FASTKD1: variants seen among roughly 807,000 people sequenced by gnomAD.
The protein encoded by FASTKD1 is FAST kinase domain-containing protein 1, mitochondrial.
FASTKD1 carries 94 observed loss-of-function variants against 90.9 expected under a neutral mutation model. That is an observed-to-expected ratio of 1.03 (90% CI 0.88 to 1.23). The LOEUF is 1.23. FASTKD1 is among the 50% of genes most tolerant of loss of function. FASTKD1 has a pLI of 0.00. For synonymous variants in FASTKD1, 319 were observed against 345.8 expected (o/e 0.92, Z 0.86); for missense variants, 945 against 993.5 (o/e 0.95, Z 0.66).
intron 9 of FASTKD1, among the ~76,000 whole-genome samples, chr2:169,543,844 G>GA (rs1444604733): frequency 6.7e-6 from 1 of 150,344 alleles, no homozygotes; most frequent in East Asian, 1.9e-4. Context: ...GCCAAGAAAA[G>GA]AAAAAAAGGA....
chr2:169,554,550 G>T (rs1014948714), intron 7 of FASTKD1, among the ~76,000 whole-genome samples: 8 of 114,042 alleles, frequency 7.0e-5, no homozygotes, highest in African/African-American at 2.4e-4. Flanking sequence ...TGTATTCCCA[G>T]CTACTCGGGA....
intron 1 of FASTKD1, among the ~76,000 whole-genome samples, 182 bp from the exon 2 acceptor site, chr2:169,572,353 C>T (rs1302803508): frequency 6.6e-6 from 1 of 151,674 alleles, no homozygotes; most frequent in Non-Finnish European, 1.5e-5. Flanking sequence ...TTCTGCACCC[C>T]ATTTTAAAAG....
intron 13 of FASTKD1, 133 bp downstream of exon 13, chr2:169,531,219 G>A: frequency 1.0e-6 from 1 of 965,710 alleles, no homozygotes; most frequent in Non-Finnish European, 1.7e-6. Flanking sequence ...GAAAAGCAAA[G>A]TTACAAAGGT....
In FASTKD1 at chr2:169,543,743, A is replaced by T. The variant is rs116434687; in HGVS notation, c.1816+978T>A. On this transcript the variant is annotated intron_variant, in intron 9 of 14. Transcript: ENST00000453153. ...ACAGTTCATTATTATACAGTTTATTATTATACAGATGTTTGTTGTATTGTT... is the reference window on the plus strand; with the variant it reads ...ACAGTTCATTATTATACAGTTTATTTTTATACAGATGTTTGTTGTATTGTT... Among the ~76,000 whole-genome samples the T allele has an allele frequency of 8.5e-3, 1,298 of 152,182 alleles. 25 individuals carry two copies. Among genetic ancestry groups the T allele is most frequent in the African/African-American group, 0.029 (1,223 of 41,524 alleles).
rs762376616 is a variant in FASTKD1 at position 169,555,136 on chromosome 2, TCTC to T, written c.1199_1201del (p.Arg400_Glu401delinsLys). 8.7e-6 allele frequency: 14 copies of T among 1,608,688 alleles called. No homozygotes were observed. The highest frequency in any genetic ancestry group is 1.2e-5 in the Non-Finnish European group (14 of 1,178,638). ...ATTTTAATCTTACCTAAGCAGTAAT[TCTC>T]TAAGTTTCGCAAAAAACTCCTTCCT... On this transcript the variant is annotated inframe_deletion, in exon 7 of 15. Transcript: ENST00000453153.
At chr2:169,565,844 AG>A (rs1305906660) in intron 3 of FASTKD1, among the ~76,000 whole-genome samples, 9 of 152,202 alleles carry the variant, frequency 5.9e-5, no homozygotes, top group Non-Finnish European at 2.9e-5. Context: ...CATCCTTGCC[AG>A]CATTTGTTAT....
At chr2:169,563,631 T>C (rs934567938) in intron 3 of FASTKD1, among the ~76,000 whole-genome samples, 1 of 152,112 alleles carries the variant, frequency 6.6e-6, no homozygotes. Flanking sequence ...ACAAATATAA[T>C]GGCTGCTACT....
In FASTKD1 at chr2:169,546,225, A is replaced by G. The variant is rs1439708294; in HGVS notation, c.1694T>C (p.Ile565Thr). ...DRIASVAVQQIEKIHPFTIPA... is the reference protein window; with the variant it reads ...DRIASVAVQQTEKIHPFTIPA... ...CTACCATTTAAATTTCACCTTTTCA[A>G]TCTGCTGAACAGCCACTGAGGCTAT... The change falls in exon 8 of 15, where the codon ATT becomes ACT. Residue 565 changes from isoleucine (I) to threonine (T), a missense_variant. Physicochemically the swap from Ile to Thr is moderately conservative, Grantham distance 89. Coordinates refer to ENST00000453153, the MANE Select transcript of FASTKD1 (RefSeq NM_024622.6). 1 of 1,545,418 alleles carries G rather than the reference A, an allele frequency of 6.5e-7. No individual in the cohort carries two copies. Among genetic ancestry groups the G allele is most frequent in the Non-Finnish European group, 8.7e-7 (1 of 1,147,522 alleles).
At chr2:169,550,880 A>C (rs898854233) in intron 7 of FASTKD1, among the ~76,000 whole-genome samples, 3 of 152,272 alleles carry the variant, frequency 2.0e-5, no homozygotes, top group Non-Finnish European at 2.9e-5. Context: ...TTTTATATTA[A>C]GAAATGAAAG....
rs189157797 is a variant in FASTKD1 at position 169,563,138 on chromosome 2, T to A, written c.572+87A>T. 2.2e-3 allele frequency: 2,899 copies of A among 1,326,786 alleles called. 6 individuals are homozygous for A. The highest frequency in any genetic ancestry group is 2.8e-3 in the Non-Finnish European group (2,656 of 955,218). 82.2% of individuals were successfully genotyped at this position (1,326,786 alleles called of 1,614,324 possible). On this transcript the variant is annotated intron_variant, in intron 4 of 14. Coordinates refer to ENST00000453153, the MANE Select transcript of FASTKD1 (RefSeq NM_024622.6). ...AGAGCTTAAGTAACCTTAAGTCACATAAACTAAGAGTAGCAAATCTGACTG... is the reference window on the plus strand; with the variant it reads ...AGAGCTTAAGTAACCTTAAGTCACAAAAACTAAGAGTAGCAAATCTGACTG...
chr2:169,530,529 C>T lies in FASTKD1; in HGVS notation c.2442+58G>A, dbSNP rs1393545406. 4 of 913,204 alleles carry T rather than the reference C, an allele frequency of 4.4e-6. No individual in the cohort carries two copies. In the South Asian group the frequency reaches 4.7e-5, roughly 11 times the overall value. 56.6% of individuals were successfully genotyped at this position (913,204 alleles called of 1,614,324 possible). Reference sequence around the variant, plus strand: ...GGAACTTTCACATTAAAAGGAAGCACATGTACAGCTAGTGTCTCTGGGCTT... The same window carrying T: ...GGAACTTTCACATTAAAAGGAAGCATATGTACAGCTAGTGTCTCTGGGCTT... On this transcript the variant is annotated intron_variant, in intron 14 of 14. Coordinates refer to ENST00000453153, the MANE Select transcript of FASTKD1 (RefSeq NM_024622.6).
chr2:169,570,848 G>A (rs1684202386), intron 2 of FASTKD1, among the ~76,000 whole-genome samples: 1 of 151,930 alleles, frequency 6.6e-6, no homozygotes, highest in Non-Finnish European at 1.5e-5. Context: ...GCTAATTTTT[G>A]TATTTTTAGT....
At chr2:169,543,812 G>GA (rs1043650096) in intron 9 of FASTKD1, among the ~76,000 whole-genome samples, 1,446 of 125,052 alleles carry the variant, frequency 0.012, 30 homozygotes, top group African/African-American at 0.039. Flanking sequence ...AAAAAGTTAA[G>GA]AAAAAAAAAA....
At chr2:169,564,317 T>C (rs1683854529) in intron 3 of FASTKD1, among the ~76,000 whole-genome samples, 1 of 152,156 alleles carries the variant, frequency 6.6e-6, no homozygotes, top group Non-Finnish European at 1.5e-5. Flanking sequence ...AATTTAAATT[T>C]ATCAATTTTA....
chr2:169,540,106 C>T lies in FASTKD1; in HGVS notation c.1890G>A (p.Leu630=). ...LATLEYFPED[L]LKAIFNIKFL... ...ATTTGATGTTAAAAATTGCCTTTAGCAGATCTTCTGGAAAATATTCAAGTG... is the reference window on the plus strand; with the variant it reads ...ATTTGATGTTAAAAATTGCCTTTAGTAGATCTTCTGGAAAATATTCAAGTG... The change falls in exon 10 of 15, where the codon CTG becomes CTA. Residue 630 remains leucine (L), a synonymous_variant. Coordinates refer to ENST00000453153, the MANE Select transcript of FASTKD1 (RefSeq NM_024622.6). 1 of 1,610,442 alleles carries T rather than the reference C, an allele frequency of 6.2e-7. No individual in the cohort carries two copies. Among genetic ancestry groups the T allele is most frequent in the Non-Finnish European group, 8.5e-7 (1 of 1,178,068 alleles).
intron 7 of FASTKD1, among the ~76,000 whole-genome samples, chr2:169,553,713 C>T (rs1336955545): frequency 2.0e-5 from 3 of 151,554 alleles, no homozygotes; most frequent in Non-Finnish European, 2.9e-5. Context: ...GTCAGAAGAT[C>T]GAGACCATCC....
rs1685189751 is a variant in FASTKD1, at chr2:169,546,293, AAAAGATGCAATCTCCCCAAC to A, written c.1606_1625del (p.Val536TyrfsTer3). 1 of 1,613,712 alleles carries A rather than the reference AAAAGATGCAATCTCCCCAAC, an allele frequency of 6.2e-7. No individual in the cohort carries two copies. Among genetic ancestry groups the A allele is most frequent in the South Asian group, 1.1e-5 (1 of 91,046 alleles). On this transcript the variant is annotated frameshift_variant, in exon 8 of 15. Transcript: ENST00000453153. LOFTEE classifies it high-confidence loss of function. ...TACTGAGGTAATCAGTACTAGAAAT[AAAAGATGCAATCTCCCCAAC>A]ATTTATGTAATTAATATCATCCATG... is the stretch of plus-strand genomic sequence containing the variant.
intron 5 of FASTKD1, 143 bp from the exon 6 acceptor site, chr2:169,557,440 C>T: frequency 2.0e-6 from 1 of 489,974 alleles, no homozygotes; most frequent in Non-Finnish European, 3.6e-6. Flanking sequence ...GTGTTCTCCC[C>T]ACATTACTCG....
intron 7 of FASTKD1, among the ~76,000 whole-genome samples, chr2:169,550,472 T>A (rs1043952426): frequency 1.3e-5 from 2 of 152,150 alleles, no homozygotes; most frequent in Admixed American, 1.3e-4. Context: ...CTTCTTTATA[T>A]TTTTTTCCTT....
Sources: gnomAD v4.1 joint callset for allele counts (sites outside exome capture counted in the v4.1 genomes callset) on GRCh38, gnomAD v4.1.1 for gene constraint, MANE v1.5 for transcripts, NCBI Gene and HGNC (gene_info 2026-07-23, HGNC 2026-07-21) for gene names.